Variants in GABRA1 observed in about 807,000 individuals in gnomAD.
The protein encoded by GABRA1 is gamma-aminobutyric acid type A receptor subunit alpha1.
Under a neutral mutation model 48.9 loss-of-function variants are expected in GABRA1, and 9 were observed. That is an observed-to-expected ratio of 0.18 (90% CI 0.11 to 0.32). The LOEUF is 0.32. Ranked by LOEUF, GABRA1 falls within the 10% of genes least tolerant of loss-of-function variation. GABRA1 has a pLI of 1.00. For missense variants in GABRA1, 285 were observed against 553.8 expected, an observed-to-expected ratio of 0.51 and a Z score of 4.87; for synonymous variants, 210 against 198.7, an observed-to-expected ratio of 1.06 and a Z score of -0.48.
At chr5:161,889,649 C>T (rs968633835) in intron 7 of GABRA1, among the ~76,000 whole-genome samples, 8 of 152,006 alleles carry the variant, frequency 5.3e-5, no homozygotes, top group African/African-American at 1.7e-4. Flanking sequence ...TAGAACTATG[C>T]TATGCATACT....
Position 161,898,410 on chromosome 5 carries a change from A to G in GABRA1, c.*988A>G, listed in dbSNP as rs182930988. The G allele has an allele frequency of 1.4e-3, 215 of 152,714 alleles. No homozygotes were observed. Among genetic ancestry groups the G allele is most frequent in the Non-Finnish European group, 1.6e-3 (107 of 67,980 alleles). The allele number at this position is 152,714 out of a possible 1,614,324, so 9.5% of individuals were successfully genotyped here. On this transcript the variant is annotated 3_prime_UTR_variant, in exon 10 of 10. Transcript: ENST00000393943. Reference sequence around the variant, plus strand: ...TGACTAGCAAACAAAAATAGAATATATAAACGATATATGTAAATATACAGC... The same window carrying G: ...TGACTAGCAAACAAAAATAGAATATGTAAACGATATATGTAAATATACAGC...
chr5:161,882,697 T>C lies in GABRA1; in HGVS notation c.699T>C (p.Ser233=), dbSNP rs756876744. 2.9e-5 allele frequency: 47 copies of C among 1,613,160 alleles called. No homozygotes were observed. The East Asian group carries it at 1.0e-3, about 34-fold the overall frequency. ...TAGACTCTGGAATTGTCCAGTCAAG[T>C]ACAGGTAAGTACGATTTTGTTACTT... ...QTVDSGIVQS[S]TGEYVVMTTH... is the part of the protein sequence containing the mutation. Residue 233 remains serine (S), a synonymous_variant, in exon 7 of 10, where the codon AGT becomes AGC. Transcript: ENST00000393943.
intron 6 of GABRA1, among the ~76,000 whole-genome samples, chr5:161,876,783 A>G (rs1754372406): frequency 6.6e-6 from 1 of 152,192 alleles, no homozygotes. Context: ...ATTTGTAATA[A>G]TGACAATATG....
At chr5:161,890,383 T>C (rs530273547) in intron 7 of GABRA1, among the ~76,000 whole-genome samples, 1 of 152,228 alleles carries the variant, frequency 6.6e-6, no homozygotes, top group South Asian at 2.1e-4. Flanking sequence ...ATTTTGTAGA[T>C]CAGGCCATGC....
At position 161,891,070 on chromosome 5, in the gene GABRA1, C is replaced by T; in HGVS notation, c.856+20C>T. ...TCTTTGGTAAGTCCCAATCAAGATA[C>T]ATACGCAAGGAAGGGTATGGAAGAC... On this transcript the variant is annotated intron_variant, in intron 8 of 9. Transcript: ENST00000393943. 6.2e-7 allele frequency: 1 copy of T among 1,611,804 alleles called. No individual in the cohort carries two copies. Among genetic ancestry groups the T allele is most frequent in the East Asian group, 2.2e-5 (1 of 44,828 alleles).
intron 7 of GABRA1, among the ~76,000 whole-genome samples, chr5:161,889,492 T>C (rs1471859734): frequency 1.3e-5 from 2 of 152,060 alleles, no homozygotes; most frequent in East Asian, 3.9e-4. Context: ...AGGACAATAA[T>C]TTCTATTCCA....
chr5:161,873,391 A>C, intron 5 of GABRA1, 54 bp downstream of exon 5: 1 of 1,377,002 alleles, frequency 7.3e-7, no homozygotes, highest in Non-Finnish European at 1.0e-6. Context: ...ATTCCCTTCC[A>C]CTTGTAGGCA....
chr5:161,859,848 A>G (rs951002747), intron 3 of GABRA1, among the ~76,000 whole-genome samples: 8 of 151,898 alleles, frequency 5.3e-5, no homozygotes, highest in Non-Finnish European at 8.8e-5. Flanking sequence ...AAATTAAAAG[A>G]TGGTTAGGTT....
chr5:161,875,148 T>G (rs1001138930), intron 5 of GABRA1, among the ~76,000 whole-genome samples: 1 of 152,160 alleles, frequency 6.6e-6, no homozygotes, highest in African/African-American at 2.4e-5. Context: ...GAGATGCACT[T>G]AGAACAGGAG....
intron 1 of GABRA1, chr5:161,848,793 A>C: frequency 3.3e-6 from 1 of 306,246 alleles, no homozygotes; most frequent in South Asian, 2.4e-5. Flanking sequence ...ATTTATTTGC[A>C]AGGGGGAGCT....
chr5:161,848,946 G>T (rs941088411), intron 1 of GABRA1: 29 of 454,868 alleles, frequency 6.4e-5, no homozygotes, highest in Non-Finnish European at 1.2e-4. Flanking sequence ...CTTTCCAGTG[G>T]ACGCTGGTGA....
intron 2 of GABRA1, 44 bp downstream of exon 2, chr5:161,850,928 T>C (rs759733429): frequency 1.3e-5 from 19 of 1,503,752 alleles, no homozygotes; most frequent in Non-Finnish European, 1.7e-5. Context: ...TTTCTGTAAC[T>C]TTTCATTTAT....
chr5:161,860,290 A>C (rs1433433844), intron 3 of GABRA1, among the ~76,000 whole-genome samples: 3 of 151,832 alleles, frequency 2.0e-5, no homozygotes, highest in African/African-American at 7.2e-5. Context: ...CTACCTGATC[A>C]GTGCCAATAT....
intron 7 of GABRA1, 77 bp from the exon 8 acceptor site, chr5:161,890,821 G>T (rs1755056346): frequency 3.1e-6 from 4 of 1,296,742 alleles, no homozygotes; most frequent in Non-Finnish European, 4.5e-6. Context: ...CAGACCTTTG[G>T]TACTCATAGT....
At chr5:161,871,545 A>G (rs1754122241) in intron 4 of GABRA1, among the ~76,000 whole-genome samples, 1 of 152,202 alleles carries the variant, frequency 6.6e-6, no homozygotes, top group Non-Finnish European at 1.5e-5. Context: ...ACTTGCTGAT[A>G]TCATCCACAG....
At chr5:161,873,522 A>T (rs2113382399) in intron 5 of GABRA1, among the ~76,000 whole-genome samples, 185 bp downstream of exon 5, 1 of 152,274 alleles carries the variant, frequency 6.6e-6, no homozygotes, top group East Asian at 1.9e-4. Context: ...TTATTTATGC[A>T]AATGTTTATT....
chr5:161,885,667 G>C (rs1288341802), intron 7 of GABRA1, among the ~76,000 whole-genome samples: 1 of 152,146 alleles, frequency 6.6e-6, no homozygotes, highest in Admixed American at 6.6e-5. Flanking sequence ...ACATACATTA[G>C]AGGTACAATT....
At chr5:161,864,276 A>G (rs1385227116) in intron 3 of GABRA1, among the ~76,000 whole-genome samples, 2 of 152,092 alleles carry the variant, frequency 1.3e-5, no homozygotes, top group Non-Finnish European at 2.9e-5. Flanking sequence ...ATATGTATAC[A>G]TGTGCCACGC....
At chr5:161,874,342 T>G (rs1028506097) in intron 5 of GABRA1, among the ~76,000 whole-genome samples, 7 of 152,088 alleles carry the variant, frequency 4.6e-5, no homozygotes, top group African/African-American at 1.7e-4. Context: ...TATTAGGACT[T>G]AAAAAAATCT....
Sources: allele counts gnomAD v4.1 joint callset (sites outside exome capture counted in the v4.1 genomes callset), GRCh38; gene constraint gnomAD v4.1.1; transcripts MANE v1.5; gene names NCBI Gene and HGNC (gene_info 2026-07-23, HGNC 2026-07-21).